Variants in SCAPER observed in about 807,000 individuals in gnomAD.
SCAPER encodes S-phase cyclin A associated protein in the ER.
In SCAPER, 98 loss-of-function variants were observed where a neutral mutation model predicts 182.2. The observed-to-expected ratio is 0.54, with a 90% CI of 0.46 to 0.64. SCAPER has a LOEUF of 0.64. SCAPER is among the 30% of genes least tolerant of loss of function. The probability of loss-of-function intolerance (pLI) is 0.00; values close to 1 mark genes in which losing one functional copy is unlikely to be tolerated. For synonymous variants in SCAPER, 605 were observed against 564.6 expected, an observed-to-expected ratio of 1.07 and a Z score of -1.01; for missense variants, 1,432 against 1,690.0, an observed-to-expected ratio of 0.85 and a Z score of 2.68.
At chr15:76,757,665 T>C (rs935889909) in intron 14 of SCAPER, among the ~76,000 whole-genome samples, 10 of 152,194 alleles carry the variant, frequency 6.6e-5, no homozygotes, top group African/African-American at 2.4e-4. Context: ...TCTATTTTAA[T>C]TTTTTGAGGA....
At chr15:76,376,015 G>C in intron 29 of SCAPER, 147 bp downstream of exon 29, 1 of 919,904 alleles carries the variant, frequency 1.1e-6, no homozygotes, top group Non-Finnish European at 1.6e-6. Flanking sequence ...TGAAGAGAAG[G>C]AGCTAGAGGC....
At chr15:76,855,322 C>G (rs1046539597) in intron 4 of SCAPER, among the ~76,000 whole-genome samples, 8 of 151,886 alleles carry the variant, frequency 5.3e-5, no homozygotes, top group African/African-American at 1.9e-4. Context: ...CTATAAAAAT[C>G]CTGGAAGACA....
chr15:76,551,667 C>T (rs1379729384), intron 23 of SCAPER, among the ~76,000 whole-genome samples: 1 of 152,030 alleles, frequency 6.6e-6, no homozygotes, highest in Non-Finnish European at 1.5e-5. Flanking sequence ...GTTAACAATA[C>T]TCTGTATATC....
chr15:76,617,464 G>C (rs1400547704), intron 22 of SCAPER, among the ~76,000 whole-genome samples: 1 of 152,090 alleles, frequency 6.6e-6, no homozygotes, highest in Non-Finnish European at 1.5e-5. Flanking sequence ...CTATCTATTT[G>C]CTCCCTGCAG....
chr15:76,763,989 G>T (rs1317395180), intron 14 of SCAPER, among the ~76,000 whole-genome samples: 1 of 151,608 alleles, frequency 6.6e-6, no homozygotes, highest in East Asian at 1.9e-4. Context: ...TATTTATTGT[G>T]TTCTCTTGGT....
chr15:76,588,087 A>G (rs1470739663), intron 22 of SCAPER, among the ~76,000 whole-genome samples: 1 of 151,702 alleles, frequency 6.6e-6, no homozygotes, highest in East Asian at 1.9e-4. Context: ...ATGCCTGGCT[A>G]ATTTTTTGTA....
intron 26 of SCAPER, among the ~76,000 whole-genome samples, chr15:76,421,980 T>C (rs1040273522): frequency 6.6e-6 from 1 of 152,222 alleles, no homozygotes; most frequent in African/African-American, 2.4e-5. Context: ...CATTGGTCTA[T>C]ATCTCTGTTT....
chr15:76,810,220 A>C (rs1463229868), intron 5 of SCAPER, among the ~76,000 whole-genome samples: 1 of 152,124 alleles, frequency 6.6e-6, no homozygotes, highest in Admixed American at 6.5e-5. Context: ...TGACTATAAC[A>C]GTGGTGGGCA....
intron 27 of SCAPER, among the ~76,000 whole-genome samples, chr15:76,384,352 G>T (rs192903545): frequency 6.6e-6 from 1 of 152,148 alleles, no homozygotes; most frequent in Non-Finnish European, 1.5e-5. Context: ...CAGGAATATA[G>T]CTTTTTCACT....
rs80036735 is a variant in SCAPER, at chr15:76,651,566, T to C, written c.2645+14087A>G. 1.8e-3 allele frequency among the ~76,000 whole-genome samples: 276 copies of C among 150,776 alleles called. 1 individual carries two copies. Among genetic ancestry groups the C allele is most frequent in the Middle Eastern group, 3.4e-3 (1 of 290 alleles). On this transcript the variant is annotated intron_variant, in intron 21 of 31. Transcript: ENST00000563290. ...AGCACAAGACTGAATTAGGAAGAGA[T>C]TGAAATCATGAATAAAGCAGTATCA...
chr15:76,761,827 T>G (rs2062806366), intron 14 of SCAPER, among the ~76,000 whole-genome samples: 1 of 152,216 alleles, frequency 6.6e-6, no homozygotes, highest in Admixed American at 6.5e-5. Context: ...GTAATTCAGC[T>G]GTTTCATTAC....
At chr15:76,751,585 T>C (rs1425659376) in intron 15 of SCAPER, among the ~76,000 whole-genome samples, 1 of 151,714 alleles carries the variant, frequency 6.6e-6, no homozygotes, top group Non-Finnish European at 1.5e-5. Flanking sequence ...ACAGATATAG[T>C]CAAATAATTT....
intron 22 of SCAPER, among the ~76,000 whole-genome samples, chr15:76,589,345 A>C (rs1302890546): frequency 2.0e-5 from 3 of 152,114 alleles, no homozygotes; most frequent in Admixed American, 1.3e-4. Context: ...AGGTGAGGGC[A>C]GGGTTAGGCA....
In SCAPER at chr15:76,806,078, T is replaced by C. The variant is rs991360426; in HGVS notation, c.394-1445A>G. Among the ~76,000 whole-genome samples, 19 of 152,308 alleles carry C rather than the reference T, an allele frequency of 1.2e-4. 1 individual carries two copies. Among genetic ancestry groups the C allele is most frequent in the African/African-American group, 4.1e-4 (17 of 41,568 alleles). On this transcript the variant is annotated intron_variant, in intron 5 of 31. Coordinates refer to ENST00000563290, the MANE Select transcript of SCAPER (RefSeq NM_020843.4). ...TTTGACACACACAAGTTTTTAATTTTGATAAAGTTCAATTTATTTTTTCTC... is the reference window on the plus strand; with the variant it reads ...TTTGACACACACAAGTTTTTAATTTCGATAAAGTTCAATTTATTTTTTCTC...
intron 26 of SCAPER, among the ~76,000 whole-genome samples, chr15:76,427,709 G>T (rs1043755849): frequency 6.6e-6 from 1 of 151,926 alleles, no homozygotes; most frequent in African/African-American, 2.4e-5. Flanking sequence ...TTAGCTGGTG[G>T]GTCACCTGAG....
intron 15 of SCAPER, among the ~76,000 whole-genome samples, chr15:76,748,154 C>T (rs943134155): frequency 4.4e-4 from 67 of 151,994 alleles, no homozygotes; most frequent in African/African-American, 1.5e-3. Context: ...CCATGCCGCG[C>T]TAATTTTGTA....
intron 21 of SCAPER, among the ~76,000 whole-genome samples, chr15:76,623,453 C>T (rs2052285911): frequency 6.6e-6 from 1 of 152,112 alleles, no homozygotes. Context: ...TAATTTATTT[C>T]TTCTGCATAT....
intron 8 of SCAPER, among the ~76,000 whole-genome samples, chr15:76,782,486 A>C (rs1402105936): frequency 6.6e-6 from 1 of 152,208 alleles, no homozygotes; most frequent in East Asian, 1.9e-4. Context: ...ACAGAAGGTT[A>C]GCAAAGATAT....
intron 14 of SCAPER, among the ~76,000 whole-genome samples, chr15:76,764,245 G>A (rs1329120291): frequency 6.6e-6 from 1 of 152,208 alleles, no homozygotes; most frequent in African/African-American, 2.4e-5. Context: ...GCATTGGCGT[G>A]GCAGCTCAGG....
Sources: allele counts gnomAD v4.1 joint callset (sites outside exome capture counted in the v4.1 genomes callset), GRCh38; gene constraint gnomAD v4.1.1; transcripts MANE v1.5; gene names NCBI Gene and HGNC (gene_info 2026-07-23, HGNC 2026-07-21).